The following ADGRA1 variants were observed in gnomAD, a reference collection of about 807,000 sequenced individuals.
ADGRA1 encodes the protein adhesion G protein-coupled receptor A1.
A neutral mutation model predicts 21.3 loss-of-function variants in ADGRA1; 12 were observed. The observed-to-expected ratio is 0.56, with a 90% CI of 0.36 to 0.91. The LOEUF is 0.91. ADGRA1 is among the 40% of genes least tolerant of loss of function. The pLI, the probability that ADGRA1 is intolerant of heterozygous loss-of-function variation, is 0.01. For synonymous variants in ADGRA1, 385 were observed against 368.8 expected (o/e 1.04, Z -0.50); for missense variants, 790 against 805.6 (o/e 0.98, Z 0.23).
Position 133,129,314 on chromosome 10 carries a change from T to C in ADGRA1, c.1486T>C (p.Cys496Arg). The C allele has an allele frequency of 6.4e-7, 1 of 1,558,068 alleles. No homozygotes were observed. Among genetic ancestry groups the C allele is most frequent in the South Asian group, 1.2e-5 (1 of 85,216 alleles). The change falls in exon 7 of 7, where the codon TGC (cysteine) becomes CGC (arginine). Residue 496 changes from cysteine to arginine, a missense_variant. This residue lies in a region of ADGRA1 where 391 missense variants were observed against 351.5 expected (regional missense o/e 1.11). Coordinates refer to ENST00000392607, the MANE Select transcript of ADGRA1 (RefSeq NM_001083909.3). ...TGATGGGAGCCCTGCCCTCTACAGCTGCCCCACGCAGCCGGGCAGGGAGGC... is the reference window on the plus strand; with the variant it reads ...TGATGGGAGCCCTGCCCTCTACAGCCGCCCCACGCAGCCGGGCAGGGAGGC... ...GSDGSPALYS[C>R]PTQPGREAAL...
chr10:133,094,818 G>A (rs117498254), intron 2 of ADGRA1, among the ~76,000 whole-genome samples: 1,559 of 152,292 alleles, frequency 0.01, 8 homozygotes, highest in Middle Eastern at 0.041. Context: ...AATCTGGGGC[G>A]TCGCTCACGC....
At chr10:133,098,577 C>G in intron 3 of ADGRA1, 63 bp from the exon 4 acceptor site, 1 of 1,553,390 alleles carries the variant, frequency 6.4e-7, no homozygotes, top group South Asian at 1.2e-5. Context: ...CCAGGGGGCT[C>G]CCTTCCACGC....
At chr10:133,122,895 C>T (rs1852301291) in intron 5 of ADGRA1, among the ~76,000 whole-genome samples, 2 of 152,330 alleles carry the variant, frequency 1.3e-5, no homozygotes, top group South Asian at 4.1e-4. Flanking sequence ...GCTGTGTGTT[C>T]CTGGAGTTGT....
intron 5 of ADGRA1, among the ~76,000 whole-genome samples, chr10:133,118,908 A>G (rs191288733): frequency 2.5e-4 from 37 of 145,886 alleles, no homozygotes; most frequent in Admixed American, 8.6e-4. Context: ...ACACACGTAC[A>G]CTCACACACC....
At position 133,098,730 on chromosome 10, in the gene ADGRA1, C is replaced by G. The variant is rs772264517; in HGVS notation, c.222C>G (p.Ile74Met). Residue 74 changes from isoleucine (I) to methionine (M), a missense_variant, in exon 4 of 7, where the codon ATC (isoleucine) becomes ATG (methionine). This residue lies in a region of ADGRA1 where 382 missense variants were observed against 415.6 expected (regional missense o/e 0.92). Coordinates refer to ENST00000392607, the MANE Select transcript of ADGRA1 (RefSeq NM_001083909.3). ...ALTFTVFAGG[I>M]NRTKYPILCQ... ...CCTTCACTGTGTTCGCCGGCGGCAT[C>G]AATCGCACCAAGTACCCCATCCTGT... 1.9e-6 allele frequency: 3 copies of G among 1,611,856 alleles called. No homozygotes were observed. Among genetic ancestry groups the G allele is most frequent in the Non-Finnish European group, 2.5e-6 (3 of 1,179,970 alleles).
intron 5 of ADGRA1, among the ~76,000 whole-genome samples, chr10:133,112,081 C>T (rs1420829040): frequency 6.6e-6 from 1 of 152,224 alleles, no homozygotes. Context: ...CCTAATCCTG[C>T]TGGCCAGCCC....
At position 133,102,834 on chromosome 10, in the gene ADGRA1, C is replaced by G. The variant is rs775554007; in HGVS notation, c.393C>G (p.Pro131=). The stretch of plus-strand genomic sequence containing the variant: ...ACCAGCCACCGTACCCCAGGCAGCC[C>G]CTGCTCAGGTACTGAGTGCACATGG... ...DTDQPPYPRQ[P]LLRFYLVSGG... Residue 131 remains proline, a synonymous_variant, in exon 5 of 7, where the codon CCC becomes CCG. Transcript: ENST00000392607. 2 of 1,610,698 alleles carry G rather than the reference C, an allele frequency of 1.2e-6. No homozygotes were observed. Among genetic ancestry groups the G allele is most frequent in the South Asian group, 1.1e-5 (1 of 91,034 alleles).
intron 5 of ADGRA1, among the ~76,000 whole-genome samples, chr10:133,125,367 C>A (rs1208485551): frequency 6.6e-6 from 1 of 152,082 alleles, no homozygotes; most frequent in Non-Finnish European, 1.5e-5. Flanking sequence ...TCCATTTCTC[C>A]TTTACTTCCT....
At chr10:133,091,532 A>G (rs1349321192) in intron 2 of ADGRA1, among the ~76,000 whole-genome samples, 1 of 152,154 alleles carries the variant, frequency 6.6e-6, no homozygotes, top group African/African-American at 2.4e-5. Context: ...CCTGGTTAGC[A>G]TCTGTGTTTC....
intron 2 of ADGRA1, among the ~76,000 whole-genome samples, chr10:133,093,556 A>G (rs983092171): frequency 2.0e-5 from 3 of 152,220 alleles, no homozygotes; most frequent in African/African-American, 7.2e-5. Flanking sequence ...AAGCAGAGAC[A>G]TCTCTGGGTG....
At chr10:133,104,356 C>T (rs1851854991) in intron 5 of ADGRA1, among the ~76,000 whole-genome samples, 1 of 152,212 alleles carries the variant, frequency 6.6e-6, no homozygotes, top group Non-Finnish European at 1.5e-5. Flanking sequence ...TGCGTTTCCT[C>T]ATCTGTAATT....
rs1852529566 is a variant in ADGRA1, at chr10:133,131,659, GT to G, written c.*2149del. The G allele has an allele frequency of 6.6e-6, 1 of 152,502 alleles. No individual in the cohort carries two copies. Among genetic ancestry groups the G allele is most frequent in the South Asian group, 2.1e-4 (1 of 4,838 alleles). The allele number at this position is 152,502 out of a possible 1,614,324, so 9.4% of individuals were successfully genotyped here. On this transcript the variant is annotated 3_prime_UTR_variant, in exon 7 of 7. Coordinates refer to ENST00000392607, the MANE Select transcript of ADGRA1 (RefSeq NM_001083909.3). ...AGTCAACATTGAACATTAAACCTCTGTGTGTTTCTATACTGACTTAGCCTCA... is the reference window on the plus strand; with the variant it reads ...AGTCAACATTGAACATTAAACCTCTGGTGTTTCTATACTGACTTAGCCTCA...
intron 5 of ADGRA1, among the ~76,000 whole-genome samples, chr10:133,126,736 C>T (rs1312667570): frequency 6.6e-6 from 1 of 152,206 alleles, no homozygotes; most frequent in African/African-American, 2.4e-5. Flanking sequence ...CTCGGTCTGA[C>T]AGGGAGCAGA....
intron 2 of ADGRA1, among the ~76,000 whole-genome samples, 189 bp from the exon 3 acceptor site, chr10:133,096,785 C>T (rs1851696933): frequency 6.6e-6 from 1 of 152,224 alleles, no homozygotes; most frequent in African/African-American, 2.4e-5. Flanking sequence ...CCCTCCCGTG[C>T]ACTCCCTGAG....
At chr10:133,118,950 ACACT>A (rs935370618) in intron 5 of ADGRA1, among the ~76,000 whole-genome samples, 2 of 151,872 alleles carry the variant, frequency 1.3e-5, no homozygotes, top group African/African-American at 2.4e-5. Flanking sequence ...ATGTGCACAC[ACACT>A]CATGCATTTA....
At chr10:133,102,404 C>A (rs1471412141) in intron 4 of ADGRA1, 1 of 551,324 alleles carries the variant, frequency 1.8e-6, no homozygotes. Context: ...GGGACCACAG[C>A]GGGTTGTGCA....
chr10:133,113,886 TG>T (rs1852108390), intron 5 of ADGRA1, among the ~76,000 whole-genome samples: 1 of 152,214 alleles, frequency 6.6e-6, no homozygotes, highest in Non-Finnish European at 1.5e-5. Flanking sequence ...AGGAAGGGCC[TG>T]GGCCTCCCAC....
chr10:133,121,007 G>T (rs974643958), intron 5 of ADGRA1, among the ~76,000 whole-genome samples: 2 of 152,144 alleles, frequency 1.3e-5, no homozygotes, highest in Non-Finnish European at 2.9e-5. Context: ...TGTGGCTCGG[G>T]GAATAGGAGG....
At chr10:133,094,054 T>C (rs953742813) in intron 2 of ADGRA1, among the ~76,000 whole-genome samples, 1 of 152,272 alleles carries the variant, frequency 6.6e-6, no homozygotes, top group African/African-American at 2.4e-5. Context: ...GTGAGGACCA[T>C]GGCCCAGGCC....
Sources: allele counts gnomAD v4.1 joint callset (sites outside exome capture counted in the v4.1 genomes callset), GRCh38; gene constraint gnomAD v4.1.1; regional missense constraint gnomAD v4.1.1; transcripts MANE v1.5; gene names NCBI Gene and HGNC (gene_info 2026-07-23, HGNC 2026-07-21).